ITGB8: variants seen among roughly 807,000 people sequenced by gnomAD.
ITGB8 encodes integrin subunit beta 8.
A neutral mutation model predicts 89.5 loss-of-function variants in ITGB8; 30 were observed. The observed-to-expected ratio is 0.34, with a 90% CI of 0.25 to 0.45. ITGB8 has a LOEUF of 0.45. Among genes scored for constraint, ITGB8 ranks in the 20% least tolerant of loss-of-function variants. The probability of loss-of-function intolerance (pLI) is 1.00; values close to 1 mark genes in which losing one functional copy is unlikely to be tolerated. For missense variants in ITGB8, 836 were observed against 933.3 expected (o/e 0.90, Z 1.36); for synonymous variants, 335 against 320.4 (o/e 1.05, Z -0.49).
In ITGB8 at chr7:20,378,022, A is replaced by T. The variant is rs536237169; in HGVS notation, c.389-1029A>T. Among the ~76,000 whole-genome samples the T allele has an allele frequency of 8.5e-5, 13 of 152,376 alleles. No individual in the cohort carries two copies. The South Asian group carries it at 2.7e-3, about 32-fold the overall frequency. ...TTCCATTCGGAATATTCTTATGGAA[A>T]AATAATGACTTACAAAGCATTTACT... On this transcript the variant is annotated intron_variant, in intron 3 of 13. Coordinates refer to ENST00000222573, the MANE Select transcript of ITGB8 (RefSeq NM_002214.3).
intron 12 of ITGB8, among the ~76,000 whole-genome samples, chr7:20,408,871 T>G (rs1787654634): frequency 6.6e-6 from 1 of 152,150 alleles, no homozygotes; most frequent in South Asian, 2.1e-4. Context: ...AGCTAGTAAT[T>G]ATTTGTCCTA....
At chr7:20,387,923 G>A (rs966591917) in intron 6 of ITGB8, among the ~76,000 whole-genome samples, 36 of 152,176 alleles carry the variant, frequency 2.4e-4, no homozygotes, top group African/African-American at 7.2e-4. Flanking sequence ...AAAAAATCAC[G>A]CAGATAAAAG....
chr7:20,331,138 C>T lies in ITGB8; in HGVS notation c.-669C>T, dbSNP rs1461619075. 1 of 157,628 alleles carries T rather than the reference C, an allele frequency of 6.3e-6. No individual in the cohort carries two copies. Among genetic ancestry groups the T allele is most frequent in the Non-Finnish European group, 1.4e-5 (1 of 71,828 alleles). 9.8% of individuals were successfully genotyped at this position (157,628 alleles called of 1,614,324 possible). On this transcript the variant is annotated 5_prime_UTR_variant, in exon 1 of 14. Transcript: ENST00000222573. ...CTAGGGCGCTCCCAGAGCCGCCTCC[C>T]CCTGTTGCTGGCATCCCGAGCTTCC...
chr7:20,386,304 T>C (rs1321548231), intron 6 of ITGB8, among the ~76,000 whole-genome samples: 3 of 150,452 alleles, frequency 2.0e-5, no homozygotes, highest in African/African-American at 7.4e-5. Flanking sequence ...AGTGGCACCA[T>C]CTTGGCTCAC....
intron 2 of ITGB8, among the ~76,000 whole-genome samples, chr7:20,364,108 C>G (rs1398389259): frequency 2.0e-5 from 3 of 152,090 alleles, no homozygotes; most frequent in African/African-American, 7.2e-5. Flanking sequence ...TCTGTTCTAC[C>G]AAGAGAAACG....
chr7:20,394,655 C>T (rs1239465392), intron 7 of ITGB8, among the ~76,000 whole-genome samples: 1 of 152,214 alleles, frequency 6.6e-6, no homozygotes, highest in Non-Finnish European at 1.5e-5. Flanking sequence ...TTTAGGTCAT[C>T]AGGTACAGTG....
intron 1 of ITGB8, chr7:20,347,011 T>C (rs1281265239): frequency 4.4e-6 from 1 of 228,276 alleles, no homozygotes; most frequent in Non-Finnish European, 7.3e-6. Flanking sequence ...CCCTGGTGAA[T>C]TGTATTAGTG....
chr7:20,374,584 A>AG (rs909484676), intron 3 of ITGB8, among the ~76,000 whole-genome samples: 1 of 152,066 alleles, frequency 6.6e-6, no homozygotes, highest in Non-Finnish European at 1.5e-5. Context: ...ATGGAAACAC[A>AG]GGGGCGGGGC....
At chr7:20,350,057 T>G (rs534070061) in intron 1 of ITGB8, among the ~76,000 whole-genome samples, 4 of 152,334 alleles carry the variant, frequency 2.6e-5, no homozygotes, top group South Asian at 4.1e-4. Context: ...CAGTCTGCAT[T>G]ATTGGTAACT....
rs369946291 is a variant in ITGB8, at chr7:20,413,770, AAT to A, written c.*3780_*3781del. On this transcript the variant is annotated 3_prime_UTR_variant, in exon 14 of 14. Coordinates refer to ENST00000222573, the MANE Select transcript of ITGB8 (RefSeq NM_002214.3). ...CTTCTTTTCATTTTGAAGGATTTGG[AAT>A]ATATATGTTTTCATAAAAGTATCAA... The A allele has an allele frequency of 2.5e-3, 377 of 152,178 alleles. No individual in the cohort carries two copies. Among genetic ancestry groups the A allele is most frequent in the African/African-American group, 8.7e-3 (361 of 41,538 alleles). The allele number at this position is 152,178 out of a possible 1,614,324, so 9.4% of individuals were successfully genotyped here.
chr7:20,367,215 T>C, intron 3 of ITGB8, 29 bp downstream of exon 3: 1 of 1,517,338 alleles, frequency 6.6e-7, no homozygotes, highest in East Asian at 2.3e-5. Flanking sequence ...AAATCTATAA[T>C]GATTCTTAAC....
At chr7:20,381,536 C>T in intron 5 of ITGB8, 191 bp from the exon 6 acceptor site, 1 of 502,406 alleles carries the variant, frequency 2.0e-6, no homozygotes, top group Admixed American at 3.6e-5. Flanking sequence ...CTAGTGTGGT[C>T]ACATGGCTGT....
intron 1 of ITGB8, among the ~76,000 whole-genome samples, chr7:20,362,509 C>T (rs1785543859): frequency 6.6e-6 from 1 of 152,170 alleles, no homozygotes; most frequent in Admixed American, 6.5e-5. Context: ...TTCCTCCACC[C>T]CTACTCATCC....
intron 7 of ITGB8, among the ~76,000 whole-genome samples, chr7:20,392,625 G>A (rs1004107364): frequency 1.3e-5 from 2 of 152,072 alleles, no homozygotes; most frequent in East Asian, 1.9e-4. Flanking sequence ...TCTGTCACTC[G>A]AATAGCACAC....
At chr7:20,393,336 C>T (rs926609011) in intron 7 of ITGB8, among the ~76,000 whole-genome samples, 9 of 152,198 alleles carry the variant, frequency 5.9e-5, no homozygotes, top group Non-Finnish European at 1.3e-4. Flanking sequence ...TCAACTGGCT[C>T]CAAAGCCTGG....
At chr7:20,370,405 A>G (rs1461040419) in intron 3 of ITGB8, among the ~76,000 whole-genome samples, 2 of 151,500 alleles carry the variant, frequency 1.3e-5, no homozygotes, top group East Asian at 3.9e-4. Flanking sequence ...CTAATATACA[A>G]GAAGTTTAAA....
chr7:20,372,188 A>G (rs147119164), intron 3 of ITGB8, among the ~76,000 whole-genome samples: 10 of 152,360 alleles, frequency 6.6e-5, no homozygotes, highest in Middle Eastern at 3.4e-3. Context: ...TTTGAAAATT[A>G]TAAGTTGCAT....
chr7:20,355,868 G>A (rs770997911), intron 1 of ITGB8, among the ~76,000 whole-genome samples: 4 of 152,184 alleles, frequency 2.6e-5, no homozygotes, highest in Non-Finnish European at 4.4e-5. Flanking sequence ...TTCTATATGA[G>A]CACAGTTTAA....
Position 20,414,686 on chromosome 7 carries a change from T to C in ITGB8, c.*4689T>C, listed in dbSNP as rs1787873995. The C allele has an allele frequency of 6.6e-6, 1 of 152,584 alleles. No individual in the cohort carries two copies. The highest frequency in any genetic ancestry group is 1.5e-5 in the Non-Finnish European group (1 of 67,990). 9.5% of individuals were successfully genotyped at this position (152,584 alleles called of 1,614,324 possible). ...TTTTCCCCCTTGGCTCTGATCACTT[T>C]AACTTCAAGCTTATGTAACGACTGT... is the stretch of plus-strand genomic sequence containing the variant. On this transcript the variant is annotated 3_prime_UTR_variant, in exon 14 of 14. Transcript: ENST00000222573.
Sources: gnomAD v4.1 joint callset for allele counts (sites outside exome capture counted in the v4.1 genomes callset) on GRCh38, gnomAD v4.1.1 for gene constraint, MANE v1.5 for transcripts, NCBI Gene and HGNC (gene_info 2026-07-23, HGNC 2026-07-21) for gene names.